The following ZNF420 variants were observed in gnomAD, a reference collection of about 807,000 sequenced individuals.
ZNF420 encodes the protein zinc finger protein 420, also known as ATM and p53-associated KZNF protein.
Under a neutral mutation model 44.7 loss-of-function variants are expected in ZNF420, and 31 were observed. The observed-to-expected ratio is 0.69, with a 90% CI of 0.52 to 0.94. The LOEUF (loss-of-function observed/expected upper bound fraction) is 0.94, where lower values mean the gene tolerates loss of function less well. Among genes scored for constraint, ZNF420 ranks in the 40% least tolerant of loss-of-function variants. The pLI is 0.00. For missense variants in ZNF420, 681 were observed against 827.9 expected (o/e 0.82, Z 2.18); for synonymous variants, 245 against 267.4 (o/e 0.92, Z 0.82).
intron 1 of ZNF420, among the ~76,000 whole-genome samples, chr19:37,042,692 T>C (rs193025099): frequency 7.2e-5 from 11 of 152,386 alleles, no homozygotes; most frequent in African/African-American, 2.6e-4. Context: ...TTTGTTTTTT[T>C]ATTATGCATG....
At chr19:37,079,319 T>C (rs1192041246) in intron 1 of ZNF420, among the ~76,000 whole-genome samples, 2 of 152,086 alleles carry the variant, frequency 1.3e-5, no homozygotes, top group Admixed American at 1.3e-4. Flanking sequence ...CTTATGGGGG[T>C]TTAGTCCAGT....
intron 1 of ZNF420, among the ~76,000 whole-genome samples, chr19:37,063,234 AAG>A (rs1335085539): frequency 6.6e-6 from 1 of 152,180 alleles, no homozygotes; most frequent in Non-Finnish European, 1.5e-5. Flanking sequence ...AAAGAAATTA[AAG>A]AGTGTGTAAG....
At chr19:37,020,216 CAAA>C (rs376616699) in intron 1 of ZNF420, among the ~76,000 whole-genome samples, 3 of 99,890 alleles carry the variant, frequency 3.0e-5, no homozygotes, top group African/African-American at 1.1e-4. Flanking sequence ...GACTCCGTCT[CAAA>C]AAAAAAAAAA....
chr19:37,021,261 C>T (rs1005531652), intron 1 of ZNF420, among the ~76,000 whole-genome samples: 7 of 152,118 alleles, frequency 4.6e-5, no homozygotes, highest in Admixed American at 2.0e-4. Context: ...TGCAATGAAA[C>T]ATTTTTTATT....
At chr19:37,099,099 C>T (rs778318695) in intron 4 of ZNF420, among the ~76,000 whole-genome samples, 1 of 152,108 alleles carries the variant, frequency 6.6e-6, no homozygotes, top group South Asian at 2.1e-4. Context: ...ACACTGAGTT[C>T]GAGTCCATGT....
chr19:37,105,983 A>G (rs534502729), intron 4 of ZNF420, among the ~76,000 whole-genome samples: 1 of 152,306 alleles, frequency 6.6e-6, no homozygotes, highest in East Asian at 1.9e-4. Flanking sequence ...GCAAACAGGG[A>G]CAATTTGACT....
chr19:37,049,711 C>T (rs373266385), intron 1 of ZNF420, among the ~76,000 whole-genome samples: 55 of 152,182 alleles, frequency 3.6e-4, no homozygotes, highest in African/African-American at 1.3e-3. Flanking sequence ...GCAGAAGCTC[C>T]TTAGTTTAAT....
At chr19:37,124,741 C>T (rs1971251127) in intron 4 of ZNF420, among the ~76,000 whole-genome samples, 1 of 152,044 alleles carries the variant, frequency 6.6e-6, no homozygotes, top group South Asian at 2.1e-4. Flanking sequence ...GATCTTGGCT[C>T]ACTGTAACCT....
intron 1 of ZNF420, among the ~76,000 whole-genome samples, chr19:37,034,178 TATTTTTTCCTGTTTTTTTGATG>T (rs1967313151): frequency 6.6e-6 from 1 of 152,164 alleles, no homozygotes; most frequent in South Asian, 2.1e-4. Flanking sequence ...CACCAACACT[TATTTTTTCCTGTTTTTTTGATG>T]ATTGACATCC....
rs1450140502 is a variant in ZNF420 at position 37,129,998 on chromosome 19, C to A, written c.*940C>A. Reference sequence around the variant, plus strand: ...TTTTTTCCTACCCTATATCTATTTTCTCTTTTTTAGTAACAAATTTCTGGG... The same window carrying A: ...TTTTTTCCTACCCTATATCTATTTTATCTTTTTTAGTAACAAATTTCTGGG... On this transcript the variant is annotated 3_prime_UTR_variant, in exon 5 of 5. Coordinates refer to ENST00000337995, the MANE Select transcript of ZNF420 (RefSeq NM_144689.5). 1 of 1,506,052 alleles carries A rather than the reference C, an allele frequency of 6.6e-7. No individual in the cohort carries two copies. The highest frequency in any genetic ancestry group is 2.2e-5 in the Admixed American group (1 of 44,548). 93.3% of individuals were successfully genotyped at this position (1,506,052 alleles called of 1,614,324 possible). A position where few individuals can be genotyped will look rare whatever the true frequency, so the allele number is the denominator to read the frequency against.
rs1305368222 is a variant in ZNF420 at position 37,128,016 on chromosome 19, G to T, written c.1025G>T (p.Arg342Met). 1 of 1,611,902 alleles carries T rather than the reference G, an allele frequency of 6.2e-7. No individual in the cohort carries two copies. The highest frequency in any genetic ancestry group is 1.3e-5 in the African/African-American group (1 of 74,182). The stretch of plus-strand genomic sequence containing the variant: ...CCATATGAATGTAAGGAATGTGGAA[G>T]GGCCTTTATTCGGGGCTCACTACTG... ...EKPYECKECGRAFIRGSLLMQ... is the reference protein window; with the variant it reads ...EKPYECKECGMAFIRGSLLMQ... The change falls in exon 5 of 5, where the codon AGG becomes ATG. Residue 342 changes from arginine to methionine, a missense_variant. Arg to Met is a moderately conservative substitution (Grantham distance 91). Coordinates refer to ENST00000337995, the MANE Select transcript of ZNF420 (RefSeq NM_144689.5).
chr19:37,115,023 G>T (rs1459346363), intron 4 of ZNF420: 1 of 156,798 alleles, frequency 6.4e-6, no homozygotes, highest in African/African-American at 2.4e-5. Context: ...ATGGAGCTAA[G>T]AGGCATATTT....
intron 2 of ZNF420, among the ~76,000 whole-genome samples, chr19:37,087,944 C>T (rs1397885006): frequency 3.3e-5 from 5 of 152,172 alleles, no homozygotes; most frequent in Admixed American, 2.0e-4. Flanking sequence ...TGCACCCGGC[C>T]GATTTCTAGC....
Position 37,128,337 on chromosome 19 carries a change from G to A in ZNF420, c.1346G>A (p.Cys449Tyr), listed in dbSNP as rs1971477005. The A allele has an allele frequency of 1.6e-5, 26 of 1,613,876 alleles. No individual in the cohort carries two copies. The highest frequency in any genetic ancestry group is 1.9e-5 in the Non-Finnish European group (23 of 1,179,984). ...RIHTGEKPYE[C>Y]KECGKTFSRG... ...CATACTGGTGAGAAACCCTATGAATGTAAAGAATGTGGAAAAACCTTTAGT... is the reference window on the plus strand; with the variant it reads ...CATACTGGTGAGAAACCCTATGAATATAAAGAATGTGGAAAAACCTTTAGT... Residue 449 changes from cysteine to tyrosine, a missense_variant, in exon 5 of 5, where the codon TGT (cysteine) becomes TAT (tyrosine). Around this residue, in one of 3 missense-constraint regions of ZNF420, gnomAD observed 280 missense variants for 338.6 expected, o/e 0.83. Transcript: ENST00000337995.
chr19:37,049,908 G>A (rs2146421961), intron 1 of ZNF420, among the ~76,000 whole-genome samples: 1 of 152,262 alleles, frequency 6.6e-6, no homozygotes, highest in East Asian at 1.9e-4. Flanking sequence ...TGCAAGGAAG[G>A]GATCCAGTTT....
intron 1 of ZNF420, among the ~76,000 whole-genome samples, chr19:37,042,845 G>T (rs926879334): frequency 6.6e-6 from 1 of 152,184 alleles, no homozygotes; most frequent in Non-Finnish European, 1.5e-5. Context: ...GTTTCTTGGT[G>T]TTGAGTGAAA....
intron 4 of ZNF420, among the ~76,000 whole-genome samples, chr19:37,105,656 C>T (rs1297692077): frequency 6.6e-6 from 1 of 152,074 alleles, no homozygotes; most frequent in Non-Finnish European, 1.5e-5. Context: ...ATTGATTCTT[C>T]CTATCCATGA....
At chr19:37,089,211 A>G (rs1968997613) in intron 3 of ZNF420, 84 bp downstream of exon 3, 1 of 1,197,390 alleles carries the variant, frequency 8.4e-7, no homozygotes, top group South Asian at 1.2e-5. Flanking sequence ...CTGAAACTTC[A>G]TTCCTAACTG....
intron 2 of ZNF420, 21 bp from the exon 3 acceptor site, chr19:37,089,018 G>C: frequency 9.6e-7 from 1 of 1,043,678 alleles, no homozygotes; most frequent in Non-Finnish European, 1.5e-6. Context: ...TGGTCTCATG[G>C]TTCTGCTTTC....
Sources: allele counts gnomAD v4.1 joint callset (sites outside exome capture counted in the v4.1 genomes callset), GRCh38; gene constraint gnomAD v4.1.1; regional missense constraint gnomAD v4.1.1; transcripts MANE v1.5; gene names NCBI Gene and HGNC (gene_info 2026-07-23, HGNC 2026-07-21).